Variants in MACF1 observed in about 807,000 individuals in gnomAD.
The protein encoded by MACF1 is microtubule-actin cross-linking factor 1.
MACF1 carries 193 observed loss-of-function variants against 854.8 expected under a neutral mutation model. The observed-to-expected ratio is 0.23, with a 90% confidence interval of 0.20 to 0.25. The LOEUF is 0.25. MACF1 is among the 10% of genes least tolerant of loss of function. The probability of loss-of-function intolerance (pLI) is 1.00; values close to 1 mark genes in which losing one functional copy is unlikely to be tolerated. For missense variants in MACF1, 7,722 were observed against 8,929.1 expected (o/e 0.86, Z 5.45); for synonymous variants, 3,185 against 3,226.7 (o/e 0.99, Z 0.44).
chr1:39,253,884 A>G (rs1645069530), intron 4 of MACF1, among the ~76,000 whole-genome samples: 1 of 152,184 alleles, frequency 6.6e-6, no homozygotes, highest in Non-Finnish European at 1.5e-5. Context: ...CTACTATGCA[A>G]TATGTAATTA....
chr1:39,307,865 C>T lies in MACF1; in HGVS notation c.2790-1705C>T, dbSNP rs1040210906. On this transcript the variant is annotated intron_variant, in intron 23 of 100. Transcript: ENST00000564288. ...GGAATTATAGGCATGAGCCACCTTGCCCAGTCTGGATTATTTCTCTTTTCT... is the reference window on the plus strand; with the variant it reads ...GGAATTATAGGCATGAGCCACCTTGTCCAGTCTGGATTATTTCTCTTTTCT... Among the ~76,000 whole-genome samples, 13 of 148,450 alleles carry T rather than the reference C, an allele frequency of 8.8e-5. No individual in the cohort carries two copies. The South Asian group carries it at 1.3e-3, about 15-fold the overall frequency.
At chr1:39,451,305 T>C in intron 85 of MACF1, 94 bp downstream of exon 85, 3 of 1,254,890 alleles carry the variant, frequency 2.4e-6, no homozygotes, top group Non-Finnish European at 1.1e-6. Flanking sequence ...TGCCCTTCTT[T>C]CTAGGGGAGA....
chr1:39,473,476 T>A (rs1206959954), intron 97 of MACF1, among the ~76,000 whole-genome samples: 1 of 152,212 alleles, frequency 6.6e-6, no homozygotes, highest in Non-Finnish European at 1.5e-5. Context: ...AGTCACAAAT[T>A]TAACTTTGTG....
chr1:39,456,252 T>C (rs993736469), intron 89 of MACF1, among the ~76,000 whole-genome samples: 1 of 152,114 alleles, frequency 6.6e-6, no homozygotes, highest in Non-Finnish European at 1.5e-5. Context: ...GAGAATCACT[T>C]GAACCAGGGA....
At chr1:39,226,704 T>G (rs1644720581) in intron 1 of MACF1, among the ~76,000 whole-genome samples, 1 of 152,174 alleles carries the variant, frequency 6.6e-6, no homozygotes. Context: ...AATGAGGCAG[T>G]GGACTAAAAG....
intron 2 of MACF1, among the ~76,000 whole-genome samples, chr1:39,234,103 G>A (rs2148309597): frequency 1.4e-5 from 2 of 147,906 alleles, no homozygotes; most frequent in African/African-American, 5.0e-5. Context: ...CACAGGGTTG[G>A]GGGTAAGGTC....
intron 67 of MACF1, 100 bp downstream of exon 67, chr1:39,432,754 C>A: frequency 8.1e-7 from 1 of 1,233,102 alleles, no homozygotes; most frequent in Non-Finnish European, 1.1e-6. Context: ...AATTTAGTGG[C>A]ATGATGGTAA....
intron 86 of MACF1, 22 bp downstream of exon 86, chr1:39,452,372 A>G: frequency 6.2e-7 from 1 of 1,605,834 alleles, no homozygotes; most frequent in Non-Finnish European, 8.5e-7. Flanking sequence ...TTGCTGTCCC[A>G]ACCCAAGGGA....
At chr1:39,455,248 G>T in intron 89 of MACF1, 151 bp downstream of exon 89, 1 of 746,850 alleles carries the variant, frequency 1.3e-6, no homozygotes, top group Non-Finnish European at 2.1e-6. Context: ...TTACCTCATA[G>T]TTTCTGTGCT....
At chr1:39,280,109 A>G (rs999861505) in intron 6 of MACF1, among the ~76,000 whole-genome samples, 1 of 151,618 alleles carries the variant, frequency 6.6e-6, no homozygotes, top group African/African-American at 2.4e-5. Flanking sequence ...CCTAGGCGGG[A>G]GTGGTCTCGA....
At chr1:39,478,871 T>C (rs1001239157) in intron 97 of MACF1, among the ~76,000 whole-genome samples, 7 of 152,202 alleles carry the variant, frequency 4.6e-5, no homozygotes, top group Non-Finnish European at 7.3e-5. Context: ...TCATAAAGAG[T>C]GCACAGTTTA....
At position 39,422,715 on chromosome 1, in the gene MACF1, A is replaced by C; in HGVS notation, c.15979-15A>C. ...TTCTCCGTTCTCATAATGAACCTACATGTTCATGATACAGGTCGCACAAAG... is the reference window on the plus strand; with the variant it reads ...TTCTCCGTTCTCATAATGAACCTACCTGTTCATGATACAGGTCGCACAAAG... On this transcript the variant is annotated splice_polypyrimidine_tract_variant and intron_variant, in intron 59 of 100. Transcript: ENST00000564288. 6.2e-7 allele frequency: 1 copy of C among 1,611,892 alleles called. No individual in the cohort carries two copies. Among genetic ancestry groups the C allele is most frequent in the Non-Finnish European group, 8.5e-7 (1 of 1,178,080 alleles).
chr1:39,176,109 C>CAAAA (rs773763271), intron 2 of MACF1, among the ~76,000 whole-genome samples: 1,479 of 13,318 alleles, frequency 0.11, 277 homozygotes, highest in African/African-American at 0.16. Flanking sequence ...GACTCCTTCT[C>CAAAA]AAAAAAAAAA....
In MACF1 at chr1:39,084,554, C is replaced by T. The variant is rs1176509294; in HGVS notation, c.220+116C>T. On this transcript the variant is annotated intron_variant, in intron 2 of 93. Coordinates refer to the MACF1 transcript ENST00000361689. The surrounding 1 kb of genome is among the most constrained non-coding windows in gnomAD (Gnocchi z 5.2). Reference sequence around the variant, plus strand: ...TCACCAGGGCCTCTGACAAAGCAGCCATCATCTGATTTGTTATTATTATTC... The same window carrying T: ...TCACCAGGGCCTCTGACAAAGCAGCTATCATCTGATTTGTTATTATTATTC... The T allele has an allele frequency of 1.3e-6, 1 of 780,704 alleles. No individual in the cohort carries two copies. The highest frequency in any genetic ancestry group is 2.0e-6 in the Non-Finnish European group (1 of 492,192). The allele number at this position is 780,704 out of a possible 1,614,324, so 48.4% of individuals were successfully genotyped here.
chr1:39,325,166 C>T (rs1314841560), intron 35 of MACF1, among the ~76,000 whole-genome samples: 1 of 152,140 alleles, frequency 6.6e-6, no homozygotes, highest in Non-Finnish European at 1.5e-5. Flanking sequence ...TATTAGAAAC[C>T]ATGTGGGTAG....
chr1:39,388,273 G>A lies in MACF1; in HGVS notation c.15431G>A (p.Gly5144Asp), dbSNP rs1384704002. ...QLADLDDELD[G>D]MGAIGRDTDS... ...GCAGACCTGGATGATGAGCTAGATGGCATGGGTGCTATTGGCAGAGACACT... is the reference window on the plus strand; with the variant it reads ...GCAGACCTGGATGATGAGCTAGATGACATGGGTGCTATTGGCAGAGACACT... Residue 5144 changes from glycine (G) to aspartate (D), a missense_variant, in exon 58 of 101, where the codon GGC becomes GAC. Physicochemically the swap from Gly to Asp is moderately conservative, Grantham distance 94 (BLOSUM62 -1). Coordinates refer to ENST00000564288, the MANE Select transcript of MACF1 (RefSeq NM_001394062.1). 1.2e-6 allele frequency: 2 copies of A among 1,614,186 alleles called. No individual in the cohort carries two copies. The highest frequency in any genetic ancestry group is 1.7e-6 in the Non-Finnish European group (2 of 1,180,042).
At chr1:39,381,129 C>T (rs898428914) in intron 55 of MACF1, among the ~76,000 whole-genome samples, 6 of 151,840 alleles carry the variant, frequency 4.0e-5, no homozygotes, top group Non-Finnish European at 8.8e-5. Context: ...ATGATCTCGG[C>T]TCACCGCAAC....
Position 39,388,245 on chromosome 1 carries a change from T to C in MACF1, c.15403T>C (p.Leu5135=), listed in dbSNP as rs763982596. The change falls in exon 58 of 101, where the codon TTG becomes CTG. Residue 5135 remains leucine (L), a synonymous_variant. Coordinates refer to ENST00000564288, the MANE Select transcript of MACF1 (RefSeq NM_001394062.1). ...HCRVREMFSQ[L]ADLDDELDGM... ...CCGGGTCCGAGAGATGTTCTCTCAA[T>C]TGGCAGACCTGGATGATGAGCTAGA... 12 of 1,614,172 alleles carry C rather than the reference T, an allele frequency of 7.4e-6. No homozygotes were observed. The highest frequency in any genetic ancestry group is 1.7e-5 in the Admixed American group (1 of 60,024).
Position 39,334,874 on chromosome 1 carries a change from TAGTTCAG to T in MACF1, c.8294_8300del (p.Glu2765AlafsTer23). On this transcript the variant is annotated frameshift_variant, in exon 37 of 101. Transcript: ENST00000564288. LOFTEE classifies it high-confidence loss of function. ...AACTGGCAAATATGATCCAAATAGATAGTTCAGAGTTCAGCGATCACAGGGCTCAGAT... is the reference window on the plus strand; with the variant it reads ...AACTGGCAAATATGATCCAAATAGATAGTTCAGCGATCACAGGGCTCAGAT... 6.2e-7 allele frequency: 1 copy of T among 1,614,122 alleles called. No individual in the cohort carries two copies. The highest frequency in any genetic ancestry group is 8.5e-7 in the Non-Finnish European group (1 of 1,180,002).
Sources: allele counts gnomAD v4.1 joint callset (sites outside exome capture counted in the v4.1 genomes callset), GRCh38; gene constraint gnomAD v4.1.1; non-coding constraint Gnocchi (gnomAD v3.1); transcripts MANE v1.5; gene names NCBI Gene and HGNC (gene_info 2026-07-23, HGNC 2026-07-21).